SH3PXD2B: variants seen among roughly 807,000 people sequenced by gnomAD.
SH3PXD2B encodes SH3 and PX domains 2B.
SH3PXD2B carries 37 observed loss-of-function variants against 73.1 expected under a neutral mutation model. The ratio of observed to expected loss-of-function variants is 0.51; its 90% CI spans 0.39 to 0.67. The LOEUF is 0.67. SH3PXD2B is among the 30% of genes least tolerant of loss of function. The pLI is 0.00. For missense variants in SH3PXD2B, 1,053 were observed against 1,197.8 expected (o/e 0.88, Z 1.78); for synonymous variants, 457 against 480.5 (o/e 0.95, Z 0.64).
At chr5:172,394,668 T>G (rs540136622) in intron 3 of SH3PXD2B, 29 bp from the exon 4 acceptor site, 1 of 1,612,238 alleles carries the variant, frequency 6.2e-7, no homozygotes, top group African/African-American at 1.3e-5. Context: ...AAGACAGTGT[T>G]GTCAGGGAAC....
intron 3 of SH3PXD2B, among the ~76,000 whole-genome samples, chr5:172,401,255 T>C (rs1413437157): frequency 6.6e-6 from 1 of 152,260 alleles, no homozygotes; most frequent in Non-Finnish European, 1.5e-5. Flanking sequence ...ACAATGAGAC[T>C]GATCATTCAT....
intron 3 of SH3PXD2B, among the ~76,000 whole-genome samples, chr5:172,403,299 C>T (rs1758474767): frequency 6.6e-6 from 1 of 152,250 alleles, no homozygotes; most frequent in Non-Finnish European, 1.5e-5. Flanking sequence ...GCTGCTCTCC[C>T]CTCCCCCGCC....
chr5:172,432,534 G>A (rs1759272226), intron 1 of SH3PXD2B, among the ~76,000 whole-genome samples: 1 of 152,174 alleles, frequency 6.6e-6, no homozygotes, highest in Admixed American at 6.5e-5. Context: ...GCCCATGTCC[G>A]AAAATGCCCA....
At chr5:172,389,141 T>C in intron 4 of SH3PXD2B, among the ~76,000 whole-genome samples, 1 of 151,444 alleles carries the variant, frequency 6.6e-6, no homozygotes. Flanking sequence ...CTGCAACCTC[T>C]GCCTTCTGGG....
chr5:172,419,787 G>A (rs1336363185), intron 2 of SH3PXD2B, among the ~76,000 whole-genome samples: 2 of 152,200 alleles, frequency 1.3e-5, no homozygotes, highest in Non-Finnish European at 2.9e-5. Flanking sequence ...TAACAATCAG[G>A]TGTTATTGTT....
chr5:172,335,476 G>T lies in SH3PXD2B; in HGVS notation c.*2893C>A. 1 of 1,231,026 alleles carries T rather than the reference G, an allele frequency of 8.1e-7. No individual in the cohort carries two copies. 76.3% of individuals were successfully genotyped at this position (1,231,026 alleles called of 1,614,324 possible). On this transcript the variant is annotated 3_prime_UTR_variant, in exon 13 of 13. Coordinates refer to ENST00000311601, the MANE Select transcript of SH3PXD2B (RefSeq NM_001017995.3). ...AAACTCGAGATCTCAGTCCCAGCTTGGCCACTATTTGGACCTTCTCCCTCT... is the reference window on the plus strand; with the variant it reads ...AAACTCGAGATCTCAGTCCCAGCTTTGCCACTATTTGGACCTTCTCCCTCT...
intron 5 of SH3PXD2B, 66 bp downstream of exon 5, chr5:172,381,970 G>T: frequency 7.7e-7 from 1 of 1,293,858 alleles, no homozygotes; most frequent in Non-Finnish European, 1.1e-6. Flanking sequence ...TTTACTTGGG[G>T]GTGGCTGGAC....
intron 2 of SH3PXD2B, among the ~76,000 whole-genome samples, chr5:172,411,834 G>A (rs1027368628): frequency 3.3e-5 from 5 of 151,848 alleles, no homozygotes; most frequent in African/African-American, 1.2e-4. Flanking sequence ...ATACACAAGA[G>A]AAGATTTACC....
intron 2 of SH3PXD2B, 68 bp from the exon 3 acceptor site, chr5:172,406,420 TA>T: frequency 6.5e-7 from 1 of 1,540,422 alleles, no homozygotes; most frequent in Non-Finnish European, 9.0e-7. Flanking sequence ...TAGGACATTT[TA>T]AAGAAATTAT....
chr5:172,416,692 CTCTCTTTTTTTTTTTTTT>C (rs1178997133), intron 2 of SH3PXD2B, among the ~76,000 whole-genome samples: 3 of 91,220 alleles, frequency 3.3e-5, no homozygotes, highest in African/African-American at 1.1e-4. Flanking sequence ...CTCTCTCTCT[CTCTCTTTTTTTTTTTTTT>C]TTTTTTTTTT....
rs141531429 is a variant in SH3PXD2B at position 172,350,142 on chromosome 5, A to G, written c.1012+221T>C. Among the ~76,000 whole-genome samples, 35 of 152,314 alleles carry G rather than the reference A, an allele frequency of 2.3e-4. No homozygotes were observed. The East Asian group carries it at 6.8e-3, about 29-fold the overall frequency. On this transcript the variant is annotated intron_variant, in intron 10 of 12. Transcript: ENST00000311601. ...AGTGCTGGGATTACAGGTGTGAGCC[A>G]CTGTGCCCGGCCAGCAATGCCTCTT...
chr5:172,410,643 T>C (rs1758672253), intron 2 of SH3PXD2B, among the ~76,000 whole-genome samples: 1 of 152,158 alleles, frequency 6.6e-6, no homozygotes, highest in Non-Finnish European at 1.5e-5. Flanking sequence ...GCTGAACCAA[T>C]GAACGCAACT....
intron 2 of SH3PXD2B, among the ~76,000 whole-genome samples, chr5:172,409,760 G>A (rs1445537923): frequency 6.6e-6 from 1 of 152,028 alleles, no homozygotes; most frequent in African/African-American, 2.4e-5. Flanking sequence ...TTGTTGCCCA[G>A]GCTGGAGTGC....
At chr5:172,432,844 G>A (rs771576894) in intron 1 of SH3PXD2B, among the ~76,000 whole-genome samples, 6 of 150,024 alleles carry the variant, frequency 4.0e-5, no homozygotes, top group Non-Finnish European at 8.9e-5. Context: ...TCTGCGAGGC[G>A]GAGATTGTAG....
At chr5:172,436,772 G>A (rs778867253) in intron 1 of SH3PXD2B, among the ~76,000 whole-genome samples, 21 of 152,256 alleles carry the variant, frequency 1.4e-4, no homozygotes, top group Non-Finnish European at 2.5e-4. Flanking sequence ...TCATCAGGCT[G>A]TGATTGCTAA....
intron 3 of SH3PXD2B, among the ~76,000 whole-genome samples, chr5:172,397,709 T>C (rs1302869960): frequency 1.3e-5 from 2 of 152,248 alleles, no homozygotes; most frequent in African/African-American, 4.8e-5. Context: ...TCTTTCTTTT[T>C]TCCTAAGTGC....
chr5:172,422,247 C>T (rs926741491), intron 2 of SH3PXD2B, among the ~76,000 whole-genome samples, 169 bp downstream of exon 2: 1 of 152,090 alleles, frequency 6.6e-6, no homozygotes, highest in Non-Finnish European at 1.5e-5. Flanking sequence ...CACCCACCTC[C>T]GCCTCCCAAA....
chr5:172,373,720 T>C (rs1016665198), intron 6 of SH3PXD2B, 70 bp downstream of exon 6: 2 of 1,513,060 alleles, frequency 1.3e-6, no homozygotes, highest in Non-Finnish European at 1.8e-6. Flanking sequence ...CAGAGCCTGG[T>C]GCACAGTTGG....
At chr5:172,362,687 G>A in intron 7 of SH3PXD2B, 48 bp downstream of exon 7, 1 of 1,613,748 alleles carries the variant, frequency 6.2e-7, no homozygotes, top group Non-Finnish European at 8.5e-7. Flanking sequence ...CATGTCCCAG[G>A]GGCTTGGTGG....
Sources: gnomAD v4.1 joint callset for allele counts (sites outside exome capture counted in the v4.1 genomes callset) on GRCh38, gnomAD v4.1.1 for gene constraint, MANE v1.5 for transcripts, NCBI Gene and HGNC (gene_info 2026-07-23, HGNC 2026-07-21) for gene names.